The following TLDC2 variants were observed in gnomAD, a reference collection of about 807,000 sequenced individuals.
TLDC2 encodes TLD domain-containing protein 2.
In TLDC2, 23 loss-of-function variants were observed where a neutral mutation model predicts 27.9. The observed-to-expected ratio is 0.82, with a 90% confidence interval of 0.59 to 1.17. The LOEUF (loss-of-function observed/expected upper bound fraction) is 1.17, where lower values mean the gene tolerates loss of function less well. Ranked by LOEUF, TLDC2 falls within the 50% of genes most tolerant of loss-of-function variation. The pLI, the probability that TLDC2 is intolerant of heterozygous loss-of-function variation, is 0.00. For synonymous variants in TLDC2, 124 were observed against 107.4 expected, an observed-to-expected ratio of 1.16 and a Z score of -0.96; for missense variants, 286 against 273.4, an observed-to-expected ratio of 1.05 and a Z score of -0.32.
At chr20:36,890,280 C>G (rs1261229029) in intron 6 of TLDC2, 1 of 152,166 alleles carries the variant, frequency 6.6e-6, no homozygotes, top group East Asian at 1.9e-4. Flanking sequence ...TTGAAGTGGC[C>G]AGTCATTTTA....
intron 4 of TLDC2, among the ~76,000 whole-genome samples, chr20:36,885,323 A>T (rs567550463): frequency 6.6e-6 from 1 of 152,318 alleles, no homozygotes; most frequent in East Asian, 1.9e-4. Context: ...AAAATTGTTG[A>T]ATGAAATGAG....
At chr20:36,878,299 G>C (rs910246103) in intron 2 of TLDC2, among the ~76,000 whole-genome samples, 3 of 152,214 alleles carry the variant, frequency 2.0e-5, no homozygotes, top group African/African-American at 7.2e-5. Context: ...AAAGAGGCTA[G>C]GACGGGCGCG....
At chr20:36,889,442 G>A (rs1027893424) in intron 6 of TLDC2, 39 bp downstream of exon 6, 142 of 1,590,690 alleles carry the variant, frequency 8.9e-5, no homozygotes, top group Non-Finnish European at 1.2e-4. Flanking sequence ...AGGCCTTCCT[G>A]ACACACAGCA....
chr20:36,885,003 C>G (rs1468249367), intron 4 of TLDC2, among the ~76,000 whole-genome samples: 1 of 151,356 alleles, frequency 6.6e-6, no homozygotes, highest in Non-Finnish European at 1.5e-5. Flanking sequence ...CTCAGCCTCC[C>G]GAGTAGCTGG....
intron 6 of TLDC2, chr20:36,890,396 CT>C (rs869132804): frequency 1.4e-5 from 2 of 142,450 alleles, no homozygotes; most frequent in Admixed American, 7.2e-5. Context: ...ATATTTCTTT[CT>C]CTTTCTTTCT....
intron 1 of TLDC2, among the ~76,000 whole-genome samples, chr20:36,877,629 G>A (rs1281771204): frequency 3.9e-5 from 6 of 152,172 alleles, no homozygotes; most frequent in Non-Finnish European, 7.4e-5. Context: ...CACGGCCCAC[G>A]GCCCCATCTG....
rs7264950 is a variant in TLDC2, at chr20:36,887,374, C to T, written c.439-81C>T. The T allele has an allele frequency of 1.2e-3, 1,453 of 1,246,174 alleles. 19 individuals carry two copies. In the African/African-American group the frequency reaches 0.02, roughly 17 times the overall value. The allele number at this position is 1,246,174 out of a possible 1,614,324, so 77.2% of individuals were successfully genotyped here. On this transcript the variant is annotated intron_variant, in intron 4 of 6. Coordinates refer to ENST00000217320, the MANE Select transcript of TLDC2 (RefSeq NM_080628.3). ...GGATGCTGTTCCCGCCACAACACTG[C>T]CATCCAGTGGTTCGGGGTCAAACTG...
Position 36,892,958 on chromosome 20 carries a change from G to A in TLDC2, c.*114G>A. 6.2e-7 allele frequency: 1 copy of A among 1,613,936 alleles called. No homozygotes were observed. The highest frequency in any genetic ancestry group is 8.5e-7 in the Non-Finnish European group (1 of 1,180,002). On this transcript the variant is annotated 3_prime_UTR_variant, in exon 7 of 7. Transcript: ENST00000217320. The stretch of plus-strand genomic sequence containing the variant: ...CACATTGGGTCATCTTTAAAAAGCT[G>A]GACTCTGCTTTTGGATGCTTCTCGG...
chr20:36,882,921 C>A (rs1451652823), intron 4 of TLDC2, among the ~76,000 whole-genome samples: 1 of 152,156 alleles, frequency 6.6e-6, no homozygotes, highest in Non-Finnish European at 1.5e-5. Flanking sequence ...CTAGTAGAAT[C>A]TTTTGCTGGT....
At chr20:36,879,563 G>T (rs1047234638) in intron 3 of TLDC2, among the ~76,000 whole-genome samples, 11 of 152,108 alleles carry the variant, frequency 7.2e-5, no homozygotes, top group Non-Finnish European at 1.3e-4. Context: ...TGGGGGTGCT[G>T]GGCACGGTGG....
At chr20:36,881,551 G>T (rs922007753) in intron 4 of TLDC2, among the ~76,000 whole-genome samples, 1 of 152,208 alleles carries the variant, frequency 6.6e-6, no homozygotes, top group East Asian at 1.9e-4. Context: ...AGGTTAGGAC[G>T]CCGCCACTTC....
intron 1 of TLDC2, 27 bp downstream of exon 1, chr20:36,876,234 G>T: frequency 6.2e-7 from 1 of 1,614,150 alleles, no homozygotes; most frequent in South Asian, 1.1e-5. Flanking sequence ...CGTCTGTGGT[G>T]CAGGTTGGGA....
chr20:36,892,887 G>A lies in TLDC2; in HGVS notation c.*43G>A, dbSNP rs115645414. 1,368 of 1,611,640 alleles carry A rather than the reference G, an allele frequency of 8.5e-4. 7 individuals are homozygous for A. The African/African-American group carries it at 0.013, about 15-fold the overall frequency. On this transcript the variant is annotated 3_prime_UTR_variant, in exon 7 of 7. Transcript: ENST00000217320. ...AATTCTATGATTGAAGCCTCTAAAT[G>A]AATTGTGCAGGAGAGGGAGTTTGTA...
Position 36,893,098 on chromosome 20 carries a change from G to C in TLDC2, c.*254G>C. ...GGAAGAGAGAGAAAAACAGGCAATA[G>C]AGAAAAGCCAGTTTCCATCATCTTA... On this transcript the variant is annotated 3_prime_UTR_variant, in exon 7 of 7. Transcript: ENST00000217320. 1 of 1,609,502 alleles carries C rather than the reference G, an allele frequency of 6.2e-7. No homozygotes were observed. The highest frequency in any genetic ancestry group is 1.1e-5 in the South Asian group (1 of 91,066).
intron 4 of TLDC2, among the ~76,000 whole-genome samples, chr20:36,883,536 G>A (rs2148346674): frequency 6.6e-6 from 1 of 152,208 alleles, no homozygotes; most frequent in East Asian, 1.9e-4. Context: ...AAAGTGAATG[G>A]CATCTCCATC....
rs1269097567 is a variant in TLDC2, at chr20:36,876,216, T to C, written c.33+9T>C. The C allele has an allele frequency of 3.7e-6, 6 of 1,614,152 alleles. No homozygotes were observed. Among genetic ancestry groups the C allele is most frequent in the Non-Finnish European group, 5.1e-6 (6 of 1,180,000 alleles). On this transcript the variant is annotated intron_variant, in intron 1 of 6. Transcript: ENST00000217320. ...GGCGTTACACTCGGCTGGTAAGGGTTCCAACTCCGTCTGTGGTGCAGGTTG... is the reference window on the plus strand; with the variant it reads ...GGCGTTACACTCGGCTGGTAAGGGTCCCAACTCCGTCTGTGGTGCAGGTTG...
rs753611896 is a variant in TLDC2 at position 36,893,061 on chromosome 20, G to A, written c.*217G>A. The A allele has an allele frequency of 4.3e-5, 69 of 1,612,684 alleles. No homozygotes were observed. The East Asian group carries it at 8.9e-4, about 21-fold the overall frequency. Reference sequence around the variant, plus strand: ...GTGTTATGAGTGGGGCTATAACATCGCCATCCTATTAGGAAGAGAGAGAAA... The same window carrying A: ...GTGTTATGAGTGGGGCTATAACATCACCATCCTATTAGGAAGAGAGAGAAA... On this transcript the variant is annotated 3_prime_UTR_variant, in exon 7 of 7. Transcript: ENST00000217320.
chr20:36,886,642 T>C (rs1195867310), intron 4 of TLDC2, among the ~76,000 whole-genome samples: 1 of 152,082 alleles, frequency 6.6e-6, no homozygotes, highest in Non-Finnish European at 1.5e-5. Context: ...GGTCTTACTA[T>C]GTTGCCTTGG....
At chr20:36,876,455 G>A (rs1989669798) in intron 1 of TLDC2, among the ~76,000 whole-genome samples, 1 of 152,172 alleles carries the variant, frequency 6.6e-6, no homozygotes, top group Admixed American at 6.5e-5. Flanking sequence ...AGTGGGTGCT[G>A]GATGGAGCTC....
Sources: allele counts gnomAD v4.1 joint callset (sites outside exome capture counted in the v4.1 genomes callset), GRCh38; gene constraint gnomAD v4.1.1; transcripts MANE v1.5; gene names NCBI Gene and HGNC (gene_info 2026-07-23, HGNC 2026-07-21).